LHPP: variants seen among roughly 807,000 people sequenced by gnomAD.
LHPP encodes the protein phospholysine phosphohistidine inorganic pyrophosphate phosphatase, also known as hLHPP.
In LHPP, 24 loss-of-function variants were observed where a neutral mutation model predicts 30.3. That is an observed-to-expected ratio of 0.79 (90% CI 0.57 to 1.11). The LOEUF (loss-of-function observed/expected upper bound fraction) is 1.11, where lower values mean the gene tolerates loss of function less well. Among genes scored for constraint, LHPP ranks in the 50% most tolerant of loss-of-function variants. The pLI, the probability that LHPP is intolerant of heterozygous loss-of-function variation, is 0.00. For synonymous variants in LHPP, 150 were observed against 157.1 expected, an observed-to-expected ratio of 0.95 and a Z score of 0.34; for missense variants, 356 against 367.2, an observed-to-expected ratio of 0.97 and a Z score of 0.25.
chr10:124,506,705 G>A (rs1198210176), intron 5 of LHPP, among the ~76,000 whole-genome samples: 16 of 75,906 alleles, frequency 2.1e-4, no homozygotes, highest in African/African-American at 5.8e-4. Flanking sequence ...TGGCGGGTAG[G>A]GAAGATTTCA....
rs559234176 is a variant in LHPP at position 124,523,232 on chromosome 10, T to A, written c.716+5961T>A. The stretch of plus-strand genomic sequence containing the variant: ...CAGTTTGCCCTTCGGAGAGGGAAAG[T>A]TTCCTGGACCGTGATTCCCGACATC... On this transcript the variant is annotated intron_variant, in intron 6 of 6. Coordinates refer to ENST00000368842, the MANE Select transcript of LHPP (RefSeq NM_022126.4). The surrounding 1 kb of genome is among the most constrained non-coding windows in gnomAD (Gnocchi z 4.2). Among the ~76,000 whole-genome samples the A allele has an allele frequency of 3.3e-3, 497 of 152,352 alleles. 2 individuals are homozygous for A. The highest frequency in any genetic ancestry group is 5.1e-3 in the Non-Finnish European group (347 of 68,032).
intron 6 of LHPP, among the ~76,000 whole-genome samples, chr10:124,538,095 G>A (rs1374972511): frequency 2.6e-5 from 4 of 152,012 alleles, no homozygotes; most frequent in Non-Finnish European, 1.5e-5. Context: ...CCCGCCATGC[G>A]GGGTCACCAT....
At chr10:124,470,082 T>C (rs1460899995) in intron 1 of LHPP, among the ~76,000 whole-genome samples, 1 of 152,206 alleles carries the variant, frequency 6.6e-6, no homozygotes, top group East Asian at 1.9e-4. Flanking sequence ...TAACCGGCCG[T>C]GTCCCCCCAA....
chr10:124,463,324 G>A (rs911474333), intron 1 of LHPP, among the ~76,000 whole-genome samples: 2 of 151,956 alleles, frequency 1.3e-5, no homozygotes, highest in Non-Finnish European at 2.9e-5. Context: ...GGTGAGAGGA[G>A]GAGGAAGAGA....
intron 5 of LHPP, among the ~76,000 whole-genome samples, chr10:124,514,008 C>G (rs1954385350): frequency 6.6e-6 from 1 of 152,188 alleles, no homozygotes; most frequent in African/African-American, 2.4e-5. Flanking sequence ...CTGCTCAAGA[C>G]ACATTTGCTG....
intron 6 of LHPP, among the ~76,000 whole-genome samples, chr10:124,569,822 C>G (rs564891166): frequency 6.6e-6 from 1 of 152,166 alleles, no homozygotes; most frequent in Non-Finnish European, 1.5e-5. Context: ...ACATGTTGAT[C>G]GAGGTATAAC....
intron 6 of LHPP, among the ~76,000 whole-genome samples, chr10:124,522,724 C>CCG (rs75143084): frequency 4.1e-5 from 3 of 73,818 alleles, no homozygotes; most frequent in Non-Finnish European, 9.7e-5. Context: ...GCTGCCCACG[C>CCG]CCCCCCCCAA....
At chr10:124,497,694 G>A (rs897494203) in intron 4 of LHPP, among the ~76,000 whole-genome samples, 1 of 152,202 alleles carries the variant, frequency 6.6e-6, no homozygotes, top group African/African-American at 2.4e-5. Flanking sequence ...GGAGAAGAGG[G>A]GGAGAAGGGA....
At chr10:124,488,338 G>A (rs1953403858) in intron 2 of LHPP, 84 bp from the exon 3 acceptor site, 2 of 1,249,320 alleles carry the variant, frequency 1.6e-6, no homozygotes, top group African/African-American at 3.0e-5. Flanking sequence ...GAGGACATGT[G>A]AAAGGTGTCC....
At chr10:124,610,132 G>A (rs544398385) in intron 6 of LHPP, among the ~76,000 whole-genome samples, 11 of 152,322 alleles carry the variant, frequency 7.2e-5, no homozygotes, top group African/African-American at 2.4e-4. Context: ...ACGCAGGATT[G>A]CGTGGTGCCA....
At chr10:124,546,890 A>G (rs142230243) in intron 6 of LHPP, among the ~76,000 whole-genome samples, 28 of 152,130 alleles carry the variant, frequency 1.8e-4, no homozygotes, top group Non-Finnish European at 4.0e-4. Context: ...GGTATTCTAC[A>G]TTTTCAGGGA....
chr10:124,479,335 C>T (rs980316881), intron 1 of LHPP, among the ~76,000 whole-genome samples: 4 of 152,188 alleles, frequency 2.6e-5, no homozygotes, highest in South Asian at 2.1e-4. Flanking sequence ...GTCCTGGAGC[C>T]GCACCTGACT....
Position 124,510,869 on chromosome 10 carries a change from G to A in LHPP, c.625-6311G>A, listed in dbSNP as rs1954279417. 6.6e-6 allele frequency among the ~76,000 whole-genome samples: 1 copy of A among 152,220 alleles called. No homozygotes were observed. Among genetic ancestry groups the A allele is most frequent in the African/African-American group, 2.4e-5 (1 of 41,456 alleles). ...AGGGCAGAGGGGACCCGAATACGGG[G>A]GCTCTGGCCGGCCCTGCTGCCAGAT... On this transcript the variant is annotated intron_variant, in intron 5 of 6. Coordinates refer to ENST00000368842, the MANE Select transcript of LHPP (RefSeq NM_022126.4). This position sits in a 1 kb window ranked among gnomAD's most constrained non-coding sequence, Gnocchi z 4.0.
At chr10:124,599,663 A>G (rs924095215) in intron 6 of LHPP, among the ~76,000 whole-genome samples, 2 of 152,238 alleles carry the variant, frequency 1.3e-5, no homozygotes, top group African/African-American at 4.8e-5. Context: ...TGTACAAAAC[A>G]AGGAGAAAAA....
In LHPP at chr10:124,496,954, C is replaced by T; in HGVS notation, c.468-7C>T. Reference sequence around the variant, plus strand: ...AGCATCCCGTGCTCCGTTCTGCTCTCTCCTAGGCGTTACTACAAGGAGACC... The same window carrying T: ...AGCATCCCGTGCTCCGTTCTGCTCTTTCCTAGGCGTTACTACAAGGAGACC... On this transcript the variant is annotated splice_polypyrimidine_tract_variant and splice_region_variant and intron_variant, in intron 3 of 6. Transcript: ENST00000368842. This position sits in a 1 kb window ranked among gnomAD's most constrained non-coding sequence, Gnocchi z 4.3. The T allele has an allele frequency of 6.2e-7, 1 of 1,613,808 alleles. No homozygotes were observed. The highest frequency in any genetic ancestry group is 8.5e-7 in the Non-Finnish European group (1 of 1,179,776).
chr10:124,563,306 T>C (rs1352329822), intron 6 of LHPP, among the ~76,000 whole-genome samples: 1 of 41,814 alleles, frequency 2.4e-5, no homozygotes. Flanking sequence ...TCTCTCTCTC[T>C]CTTTTTCTTT....
In LHPP at chr10:124,492,507, A is replaced by G. The variant is rs2133864478; in HGVS notation, c.467+3932A>G. Among the ~76,000 whole-genome samples, 4 of 152,324 alleles carry G rather than the reference A, an allele frequency of 2.6e-5. No individual in the cohort carries two copies. The South Asian group carries it at 8.3e-4, about 32-fold the overall frequency. ...GTGGGATTCTTGCTCGGGGAAGGTCAGTCTTTGTTCTTGTAAAGCCTGCAA... is the reference window on the plus strand; with the variant it reads ...GTGGGATTCTTGCTCGGGGAAGGTCGGTCTTTGTTCTTGTAAAGCCTGCAA... On this transcript the variant is annotated intron_variant, in intron 3 of 6. Coordinates refer to ENST00000368842, the MANE Select transcript of LHPP (RefSeq NM_022126.4).
chr10:124,550,713 T>TC (rs1448674161), intron 6 of LHPP, among the ~76,000 whole-genome samples: 3 of 152,080 alleles, frequency 2.0e-5, no homozygotes, highest in African/African-American at 7.2e-5. Flanking sequence ...TAGACTCACT[T>TC]CCCCTCTCCA....
At chr10:124,604,308 C>A (rs988960102) in intron 6 of LHPP, among the ~76,000 whole-genome samples, 2 of 152,188 alleles carry the variant, frequency 1.3e-5, no homozygotes, top group Non-Finnish European at 2.9e-5. Flanking sequence ...CCAGCTCAGG[C>A]CAGGTCACGG....
Sources: gnomAD v4.1 joint callset for allele counts (sites outside exome capture counted in the v4.1 genomes callset) on GRCh38, gnomAD v4.1.1 for gene constraint, Gnocchi (gnomAD v3.1) non-coding constraint, MANE v1.5 for transcripts, NCBI Gene and HGNC (gene_info 2026-07-23, HGNC 2026-07-21) for gene names.